Variants in CNR2 observed in about 807,000 individuals in gnomAD.
CNR2 encodes the protein cannabinoid receptor 2 (macrophage).
For missense variants in CNR2, 379 were observed against 439.9 expected, an observed-to-expected ratio of 0.86 and a Z score of 1.24; for synonymous variants, 172 against 182.2, an observed-to-expected ratio of 0.94 and a Z score of 0.45.
intron 1 of CNR2, among the ~76,000 whole-genome samples, chr1:23,898,641 ATTTTTTTTTTTT>A (rs71026701): frequency 7.5e-4 from 19 of 25,332 alleles, no homozygotes; most frequent in Admixed American, 3.9e-3. Context: ...CGCCTGGCCA[ATTTTTTTTTTTT>A]TTTTTTTTTT....
chr1:23,891,026 G>C (rs1640181444), intron 1 of CNR2, among the ~76,000 whole-genome samples: 1 of 151,534 alleles, frequency 6.6e-6, no homozygotes, highest in South Asian at 2.1e-4. Context: ...TTATAGGCGT[G>C]AGCCACCACA....
intron 1 of CNR2, among the ~76,000 whole-genome samples, chr1:23,912,613 G>A (rs1640605592): frequency 6.6e-6 from 1 of 152,250 alleles, no homozygotes; most frequent in Non-Finnish European, 1.5e-5. Context: ...CTGTTGTGAG[G>A]ATTAAATAAA....
chr1:23,896,321 A>T (rs1640281639), intron 1 of CNR2, among the ~76,000 whole-genome samples: 1 of 152,224 alleles, frequency 6.6e-6, no homozygotes, highest in Non-Finnish European at 1.5e-5. Flanking sequence ...TTTGTTCTCA[A>T]GTAAAGACAC....
chr1:23,892,946 G>A (rs1369878834), intron 1 of CNR2, among the ~76,000 whole-genome samples: 2 of 152,184 alleles, frequency 1.3e-5, no homozygotes, highest in South Asian at 2.1e-4. Context: ...AGCCTGTGAG[G>A]TGGAGGTTGC....
In CNR2 at chr1:23,898,855, G is replaced by C. The variant is rs528555351; in HGVS notation, c.-46+14391C>G. 4.6e-5 allele frequency among the ~76,000 whole-genome samples: 7 copies of C among 151,558 alleles called. No homozygotes were observed. In the South Asian group the frequency reaches 1.5e-3, roughly 32 times the overall value. On this transcript the variant is annotated intron_variant, in intron 1 of 1. Transcript: ENST00000374472. ...TTTAGTAGAGACGGGGTTTCACCAT[G>C]TTGGCCAGGCTGGTCTCCAACTCCT...
chr1:23,907,593 C>T (rs933220421), intron 1 of CNR2, among the ~76,000 whole-genome samples: 3 of 151,892 alleles, frequency 2.0e-5, no homozygotes, highest in African/African-American at 7.3e-5. Context: ...CGGGTTCAAG[C>T]AGTTCTCCAG....
chr1:23,876,354 C>T (rs1041641183), intron 1 of CNR2, among the ~76,000 whole-genome samples: 1 of 151,436 alleles, frequency 6.6e-6, no homozygotes, highest in African/African-American at 2.4e-5. Flanking sequence ...CTACAGGCAC[C>T]CACCACACCT....
At chr1:23,900,203 C>A (rs1640374763) in intron 1 of CNR2, among the ~76,000 whole-genome samples, 1 of 152,024 alleles carries the variant, frequency 6.6e-6, no homozygotes, top group African/African-American at 2.4e-5. Flanking sequence ...ACAGCTTCGA[C>A]CCCCTGTGAT....
intron 1 of CNR2, among the ~76,000 whole-genome samples, chr1:23,882,843 G>A (rs543090723): frequency 2.0e-5 from 3 of 151,604 alleles, no homozygotes; most frequent in African/African-American, 4.8e-5. Flanking sequence ...AATAATAAAC[G>A]CTCATACTAC....
At chr1:23,906,274 T>C (rs1054421547) in intron 1 of CNR2, among the ~76,000 whole-genome samples, 2 of 151,958 alleles carry the variant, frequency 1.3e-5, no homozygotes, top group African/African-American at 4.8e-5. Flanking sequence ...AATTACGTCG[T>C]CTCCTTGAGC....
intron 1 of CNR2, among the ~76,000 whole-genome samples, chr1:23,896,304 T>C (rs1640281435): frequency 6.6e-6 from 1 of 152,248 alleles, no homozygotes; most frequent in Admixed American, 6.5e-5. Flanking sequence ...CCAAGTACTA[T>C]TAGCTTTTTG....
intron 1 of CNR2, chr1:23,907,142 C>A (rs1349265373): frequency 6.6e-6 from 1 of 151,968 alleles, no homozygotes; most frequent in East Asian, 1.9e-4. Context: ...CTCCTGTAAT[C>A]CCAGCACTTT....
In CNR2 at chr1:23,872,577, CAG is replaced by C. The variant is rs2148453980; in HGVS notation, c.*1956_*1957del. 1.3e-5 allele frequency: 2 copies of C among 152,210 alleles called. No individual in the cohort carries two copies. The highest frequency in any genetic ancestry group is 3.9e-4 in the East Asian group (2 of 5,184). The allele number at this position is 152,210 out of a possible 1,614,324, so 9.4% of individuals were successfully genotyped here. On this transcript the variant is annotated 3_prime_UTR_variant, in exon 2 of 2. Coordinates refer to ENST00000374472, the MANE Select transcript of CNR2 (RefSeq NM_001841.3). Reference sequence around the variant, plus strand: ...TAAGAGGGCAGGCTTTGAAGTCAAACAGAACTAGGTTGGAGACCTCAGCTCTG... The same window carrying C: ...TAAGAGGGCAGGCTTTGAAGTCAAACAACTAGGTTGGAGACCTCAGCTCTG...
intron 1 of CNR2, among the ~76,000 whole-genome samples, chr1:23,908,946 G>T (rs543770241): frequency 2.2e-4 from 33 of 152,128 alleles, no homozygotes; most frequent in African/African-American, 7.2e-4. Context: ...GGGGGTGAGG[G>T]AGTGGGAAAA....
chr1:23,895,973 A>AT (rs1052049562), intron 1 of CNR2, among the ~76,000 whole-genome samples: 3 of 151,600 alleles, frequency 2.0e-5, no homozygotes, highest in African/African-American at 7.3e-5. Context: ...TTTTCTGACC[A>AT]TTTTTTCTCA....
At chr1:23,886,772 C>T (rs968001127) in intron 1 of CNR2, among the ~76,000 whole-genome samples, 2 of 152,254 alleles carry the variant, frequency 1.3e-5, no homozygotes, top group African/African-American at 4.8e-5. Flanking sequence ...GGTCACCCAA[C>T]ATATGAGCAG....
intron 1 of CNR2, among the ~76,000 whole-genome samples, chr1:23,892,905 A>G (rs1160288151): frequency 6.6e-6 from 1 of 151,992 alleles, no homozygotes; most frequent in Non-Finnish European, 1.5e-5. Flanking sequence ...AATCCCAGCT[A>G]CTTGGGAGGC....
intron 1 of CNR2, among the ~76,000 whole-genome samples, chr1:23,882,605 A>G (rs1049109686): frequency 6.6e-6 from 1 of 150,752 alleles, no homozygotes; most frequent in African/African-American, 2.5e-5. Context: ...CAGGAGTTTC[A>G]GACTAGCCTA....
At chr1:23,905,142 G>A (rs879382350) in intron 1 of CNR2, among the ~76,000 whole-genome samples, 1 of 151,856 alleles carries the variant, frequency 6.6e-6, no homozygotes, top group African/African-American at 2.4e-5. Context: ...ACTGTATACC[G>A]TGTGTCAGGC....
Sources: allele counts gnomAD v4.1 joint callset (sites outside exome capture counted in the v4.1 genomes callset), GRCh38; gene constraint gnomAD v4.1.1; transcripts MANE v1.5; gene names NCBI Gene and HGNC (gene_info 2026-07-23, HGNC 2026-07-21).